ZFAND3: variants seen among roughly 807,000 people sequenced by gnomAD.
The protein encoded by ZFAND3 is zinc finger AN1-type containing 3.
In ZFAND3, 10 loss-of-function variants were observed where a neutral mutation model predicts 29.6. The observed-to-expected ratio is 0.34, with a 90% confidence interval of 0.21 to 0.57. ZFAND3 has a LOEUF of 0.57. Ranked by LOEUF, ZFAND3 falls within the 20% of genes least tolerant of loss-of-function variation. ZFAND3 has a pLI of 0.86. For missense variants in ZFAND3, 230 were observed against 304.5 expected (o/e 0.76, Z 1.82); for synonymous variants, 128 against 112.6 (o/e 1.14, Z -0.87).
intron 2 of ZFAND3, among the ~76,000 whole-genome samples, chr6:38,037,836 A>G (rs1245218527): frequency 6.6e-6 from 1 of 152,226 alleles, no homozygotes; most frequent in South Asian, 2.1e-4. Context: ...GAAATAACTG[A>G]TAACAATCCC....
chr6:38,074,865 G>A (rs948715428), intron 3 of ZFAND3, among the ~76,000 whole-genome samples: 10 of 152,132 alleles, frequency 6.6e-5, no homozygotes, highest in African/African-American at 2.4e-4. Context: ...AAAATCCTAG[G>A]GCACTTAAGA....
At chr6:37,997,496 A>G (rs979133182) in intron 2 of ZFAND3, among the ~76,000 whole-genome samples, 2 of 152,232 alleles carry the variant, frequency 1.3e-5, no homozygotes, top group Non-Finnish European at 2.9e-5. Flanking sequence ...TGTGAGAGAC[A>G]AGACTCAAAT....
chr6:37,876,651 C>CA (rs1325105998), intron 1 of ZFAND3, among the ~76,000 whole-genome samples: 2 of 152,114 alleles, frequency 1.3e-5, no homozygotes, highest in Non-Finnish European at 2.9e-5. Flanking sequence ...AATTCGTACT[C>CA]TAAGAATTTG....
chr6:37,823,111 G>A (rs1344874544), intron 1 of ZFAND3, among the ~76,000 whole-genome samples: 1 of 152,138 alleles, frequency 6.6e-6, no homozygotes, highest in East Asian at 1.9e-4. Flanking sequence ...GGGTGTGTGG[G>A]TATGACTCTG....
At chr6:37,931,321 G>A (rs753637597) in intron 2 of ZFAND3, among the ~76,000 whole-genome samples, 2 of 152,126 alleles carry the variant, frequency 1.3e-5, no homozygotes, top group Non-Finnish European at 2.9e-5. Context: ...AGCTTTAAGA[G>A]GCAGACAATT....
chr6:37,849,700 G>T (rs1349132928), intron 1 of ZFAND3, among the ~76,000 whole-genome samples: 1 of 152,144 alleles, frequency 6.6e-6, no homozygotes, highest in Non-Finnish European at 1.5e-5. Context: ...GTGAGCCACA[G>T]CGCCTGGCCT....
At chr6:37,927,831 G>C (rs780656080) in intron 1 of ZFAND3, among the ~76,000 whole-genome samples, 1 of 152,214 alleles carries the variant, frequency 6.6e-6, no homozygotes, top group Non-Finnish European at 1.5e-5. Context: ...TTGGGGCAGA[G>C]GCCGAAGTTT....
chr6:37,864,544 A>G (rs1024149993), intron 1 of ZFAND3, among the ~76,000 whole-genome samples: 8 of 152,120 alleles, frequency 5.3e-5, no homozygotes, highest in African/African-American at 1.7e-4. Context: ...CTAAATGAGG[A>G]TTATGGATTT....
At chr6:37,903,834 T>C (rs1466531880) in intron 1 of ZFAND3, among the ~76,000 whole-genome samples, 4 of 152,208 alleles carry the variant, frequency 2.6e-5, no homozygotes, top group Admixed American at 1.3e-4. Context: ...GCTGCTATTC[T>C]AAACAATAGT....
At chr6:38,007,650 T>G (rs1035517593) in intron 2 of ZFAND3, among the ~76,000 whole-genome samples, 1 of 152,220 alleles carries the variant, frequency 6.6e-6, no homozygotes, top group Non-Finnish European at 1.5e-5. Context: ...CATTTTAAAT[T>G]TAAAACTATG....
Position 37,893,199 on chromosome 6 carries a change from G to C in ZFAND3, c.72-36760G>C, listed in dbSNP as rs114845719. On this transcript the variant is annotated intron_variant, in intron 1 of 5. Coordinates refer to ENST00000287218, the MANE Select transcript of ZFAND3 (RefSeq NM_021943.3). Reference sequence around the variant, plus strand: ...TGTATGCCAAAATCCTTAACAAAATGCTAGTAAACCAAATCAGAGATGCAT... The same window carrying C: ...TGTATGCCAAAATCCTTAACAAAATCCTAGTAAACCAAATCAGAGATGCAT... Among the ~76,000 whole-genome samples the C allele has an allele frequency of 5.7e-3, 867 of 152,200 alleles. 8 individuals carry two copies. The highest frequency in any genetic ancestry group is 0.02 in the African/African-American group (831 of 41,526).
chr6:37,866,723 A>G (rs946942097), intron 1 of ZFAND3, among the ~76,000 whole-genome samples: 1 of 151,872 alleles, frequency 6.6e-6, no homozygotes, highest in African/African-American at 2.4e-5. Context: ...TGTATTATCC[A>G]GTGACCTTTG....
At chr6:37,856,237 T>G (rs1333368641) in intron 1 of ZFAND3, among the ~76,000 whole-genome samples, 1 of 152,010 alleles carries the variant, frequency 6.6e-6, no homozygotes, top group Non-Finnish European at 1.5e-5. Context: ...CAAAGTGATC[T>G]GCCCCACTCG....
chr6:37,896,572 C>CTTTCTTTCTTTCTT (rs58677123), intron 1 of ZFAND3, among the ~76,000 whole-genome samples: 4 of 21,294 alleles, frequency 1.9e-4, no homozygotes, highest in African/African-American at 5.4e-4. Context: ...CTTTCTTTCT[C>CTTTCTTTCTTTCTT]TCTTTCTCTC....
intron 1 of ZFAND3, among the ~76,000 whole-genome samples, chr6:37,853,243 A>G (rs1257437803): frequency 6.6e-6 from 1 of 152,086 alleles, no homozygotes; most frequent in Non-Finnish European, 1.5e-5. Context: ...GGGTGAGAGA[A>G]GAAAATTGGC....
At chr6:37,922,198 G>T (rs1761394569) in intron 1 of ZFAND3, among the ~76,000 whole-genome samples, 1 of 151,930 alleles carries the variant, frequency 6.6e-6, no homozygotes, top group Non-Finnish European at 1.5e-5. Flanking sequence ...ATCTAGTAAG[G>T]TCTCCTTCTC....
intron 2 of ZFAND3, among the ~76,000 whole-genome samples, chr6:38,007,579 A>G (rs186740453): frequency 6.6e-6 from 1 of 152,284 alleles, no homozygotes; most frequent in East Asian, 1.9e-4. Context: ...TTCGTTGTGT[A>G]GGATTTAGGA....
At chr6:37,891,521 C>T (rs904753687) in intron 1 of ZFAND3, among the ~76,000 whole-genome samples, 1 of 148,592 alleles carries the variant, frequency 6.7e-6, no homozygotes, top group Non-Finnish European at 1.5e-5. Flanking sequence ...ATCACTTGAA[C>T]CTGGGAGATG....
At chr6:37,857,053 C>T (rs1764396950) in intron 1 of ZFAND3, among the ~76,000 whole-genome samples, 1 of 152,078 alleles carries the variant, frequency 6.6e-6, no homozygotes, top group Admixed American at 6.5e-5. Context: ...AGCAATCCTC[C>T]CACTTCAGCC....
Sources: gnomAD v4.1 joint callset for allele counts (sites outside exome capture counted in the v4.1 genomes callset) on GRCh38, gnomAD v4.1.1 for gene constraint, MANE v1.5 for transcripts, NCBI Gene and HGNC (gene_info 2026-07-23, HGNC 2026-07-21) for gene names.